COX10: variants seen among roughly 807,000 people sequenced by gnomAD.
COX10 encodes cytochrome c oxidase assembly factor heme A:farnesyltransferase COX10.
COX10 carries 27 observed loss-of-function variants against 37.3 expected under a neutral mutation model. That is an observed-to-expected ratio of 0.72 (90% CI 0.53 to 1.00). The LOEUF is 1.00. COX10 is among the 50% of genes least tolerant of loss of function. The pLI is 0.00. For missense variants in COX10, 475 were observed against 563.2 expected (o/e 0.84, Z 1.59); for synonymous variants, 222 against 229.1 (o/e 0.97, Z 0.28).
chr17:14,129,701 A>C (rs1330904222), intron 4 of COX10, among the ~76,000 whole-genome samples: 1 of 152,218 alleles, frequency 6.6e-6, no homozygotes, highest in Non-Finnish European at 1.5e-5. Context: ...CTTTAGCAAA[A>C]GACGTGAAGA....
intron 4 of COX10, among the ~76,000 whole-genome samples, chr17:14,146,443 T>C (rs958182098): frequency 3.3e-5 from 5 of 152,154 alleles, no homozygotes; most frequent in African/African-American, 2.4e-5. Context: ...TGGGTATTTA[T>C]ATTCAGAAGA....
At chr17:14,072,365 C>T (rs139096694) in intron 1 of COX10, among the ~76,000 whole-genome samples, 10,038 of 152,168 alleles carry the variant, frequency 0.066, 374 homozygotes, top group Non-Finnish European at 0.074. Flanking sequence ...GGATTACAGA[C>T]GCCCACCACC....
intron 3 of COX10, among the ~76,000 whole-genome samples, chr17:14,079,160 A>C (rs1357541375): frequency 1.3e-5 from 2 of 152,354 alleles, no homozygotes; most frequent in Middle Eastern, 3.4e-3. Context: ...ATAATAATAG[A>C]TCATTTAAGA....
intron 5 of COX10, among the ~76,000 whole-genome samples, chr17:14,172,049 T>C (rs1208604208): frequency 1.3e-5 from 2 of 152,166 alleles, no homozygotes; most frequent in East Asian, 1.9e-4. Context: ...CAGTTTTGCG[T>C]GGGTTATTAC....
At chr17:14,198,240 A>T (rs1021373061) in intron 6 of COX10, among the ~76,000 whole-genome samples, 1 of 152,158 alleles carries the variant, frequency 6.6e-6, no homozygotes, top group African/African-American at 2.4e-5. Flanking sequence ...ATAAGTGCCC[A>T]GCCGACATTC....
chr17:14,119,013 A>G (rs1392377171), intron 4 of COX10, among the ~76,000 whole-genome samples: 1 of 151,924 alleles, frequency 6.6e-6, no homozygotes, highest in Non-Finnish European at 1.5e-5. Flanking sequence ...TAGACTTTTC[A>G]TCACCTCTCA....
chr17:14,128,327 G>A (rs971500871), intron 4 of COX10, among the ~76,000 whole-genome samples: 2 of 151,936 alleles, frequency 1.3e-5, no homozygotes, highest in African/African-American at 2.4e-5. Flanking sequence ...AGATTAAAAT[G>A]TTAGCTGTGA....
At chr17:14,163,496 T>G (rs1333544965) in intron 5 of COX10, among the ~76,000 whole-genome samples, 1 of 152,112 alleles carries the variant, frequency 6.6e-6, no homozygotes, top group African/African-American at 2.4e-5. Flanking sequence ...CCTCAAGTGA[T>G]CCACCTGGCT....
chr17:14,092,545 T>A (rs1237506991), intron 3 of COX10, among the ~76,000 whole-genome samples: 1 of 152,128 alleles, frequency 6.6e-6, no homozygotes, highest in Admixed American at 6.5e-5. Context: ...CCTTTTAATA[T>A]GGCTGAGAAA....
chr17:14,179,696 T>TGAAA (rs1400429442), intron 5 of COX10, among the ~76,000 whole-genome samples: 2 of 152,100 alleles, frequency 1.3e-5, no homozygotes, highest in African/African-American at 4.8e-5. Flanking sequence ...GACATCTGTA[T>TGAAA]TTTGATTATG....
chr17:14,192,090 A>C lies in COX10; in HGVS notation c.797A>C (p.Asn266Thr). The stretch of plus-strand genomic sequence containing the variant: ...CTCACAGGAGCCCTGGGGCTCTTCA[A>C]CATTTTCCTGTATACCTGCTGCTAC... ...NPLTGALGLFNIFLYTCCYTP... is the reference protein window; with the variant it reads ...NPLTGALGLFTIFLYTCCYTP... Residue 266 changes from asparagine (N) to threonine (T), a missense_variant, in exon 6 of 7, where the codon AAC becomes ACC. Coordinates refer to ENST00000261643, the MANE Select transcript of COX10 (RefSeq NM_001303.4). The C allele has an allele frequency of 6.2e-7, 1 of 1,614,202 alleles. No individual in the cohort carries two copies. The highest frequency in any genetic ancestry group is 1.1e-5 in the South Asian group (1 of 91,080).
At chr17:14,182,994 G>A (rs1385220241) in intron 5 of COX10, among the ~76,000 whole-genome samples, 3 of 151,888 alleles carry the variant, frequency 2.0e-5, no homozygotes, top group African/African-American at 7.3e-5. Flanking sequence ...CTTTCGTAGA[G>A]CTATGTAGGG....
chr17:14,191,937 T>C, intron 5 of COX10, 52 bp from the exon 6 acceptor site: 1 of 1,591,268 alleles, frequency 6.3e-7, no homozygotes, highest in Non-Finnish European at 8.6e-7. Flanking sequence ...TTAGGTAGTG[T>C]GATTGAGTTG....
intron 4 of COX10, among the ~76,000 whole-genome samples, chr17:14,103,237 G>T (rs1454561975): frequency 1.3e-5 from 2 of 152,018 alleles, no homozygotes; most frequent in Non-Finnish European, 2.9e-5. Context: ...TCTTCCTTTT[G>T]CTACCTTCCC....
At chr17:14,177,010 A>G (rs1905712826) in intron 5 of COX10, 3 of 376,266 alleles carry the variant, frequency 8.0e-6, no homozygotes, top group South Asian at 1.3e-4. Flanking sequence ...CTAAAATGCC[A>G]TTTAATGAGA....
intron 4 of COX10, among the ~76,000 whole-genome samples, chr17:14,106,519 A>C (rs1915896465): frequency 1.3e-5 from 2 of 152,214 alleles, no homozygotes; most frequent in African/African-American, 4.8e-5. Context: ...GAGATTATGA[A>C]GTTTTCAAAA....
intron 3 of COX10, among the ~76,000 whole-genome samples, chr17:14,087,218 C>T (rs1915429219): frequency 6.6e-6 from 1 of 152,154 alleles, no homozygotes; most frequent in Admixed American, 6.6e-5. Flanking sequence ...AGTTTATAGT[C>T]TAGTGGGTCT....
chr17:14,206,995 C>T lies in COX10; in HGVS notation c.1114C>T (p.Pro372Ser). The T allele has an allele frequency of 6.2e-7, 1 of 1,614,080 alleles. No homozygotes were observed. Among genetic ancestry groups the T allele is most frequent in the Non-Finnish European group, 8.5e-7 (1 of 1,179,932 alleles). Residue 372 changes from proline to serine, a missense_variant, in exon 7 of 7, where the codon CCT becomes TCT. Coordinates refer to ENST00000261643, the MANE Select transcript of COX10 (RefSeq NM_001303.4). ...CCTGCTCGTGCTGTCCGCAGCAGCCCCTGTGCTGGACATCACCACATGGAC... is the reference window on the plus strand; with the variant it reads ...CCTGCTCGTGCTGTCCGCAGCAGCCTCTGTGCTGGACATCACCACATGGAC... ...LALLVLSAAA[P>S]VLDITTWTFP...
intron 6 of COX10, among the ~76,000 whole-genome samples, chr17:14,193,600 G>A (rs1413436542): frequency 6.8e-6 from 1 of 147,022 alleles, no homozygotes; most frequent in African/African-American, 2.5e-5. Context: ...GAGGTTTGCA[G>A]TGGATGAGGG....
Sources: gnomAD v4.1 joint callset for allele counts (sites outside exome capture counted in the v4.1 genomes callset) on GRCh38, gnomAD v4.1.1 for gene constraint, MANE v1.5 for transcripts, NCBI Gene and HGNC (gene_info 2026-07-23, HGNC 2026-07-21) for gene names.